The following PCDHA6 variants were observed in gnomAD, a reference collection of about 807,000 sequenced individuals.
PCDHA6 encodes protocadherin alpha-6.
In PCDHA6, 55 loss-of-function variants were observed where a neutral mutation model predicts 60.3. That is an observed-to-expected ratio of 0.91 (90% CI 0.73 to 1.14). The LOEUF is 1.14. Ranked by LOEUF, PCDHA6 falls within the 50% of genes most tolerant of loss-of-function variation. PCDHA6 has a pLI of 0.00. For synonymous variants in PCDHA6, 652 were observed against 557.9 expected (o/e 1.17, Z -2.38); for missense variants, 1,327 against 1,256.5 (o/e 1.06, Z -0.85).
chr5:140,929,257 C>G, intron 1 of PCDHA6: 2 of 1,612,972 alleles, frequency 1.2e-6, no homozygotes, highest in Admixed American at 3.3e-5. Flanking sequence ...TGGGGTAGGA[C>G]TGAATTTGCC....
At chr5:140,987,211 C>A (rs1190567678) in intron 3 of PCDHA6, among the ~76,000 whole-genome samples, 1 of 145,070 alleles carries the variant, frequency 6.9e-6, no homozygotes, top group South Asian at 2.1e-4. Flanking sequence ...GAGACTCCAT[C>A]TCAAAAAAAA....
At chr5:140,871,774 T>C (rs1164981873) in intron 1 of PCDHA6, among the ~76,000 whole-genome samples, 1 of 152,254 alleles carries the variant, frequency 6.6e-6, no homozygotes, top group African/African-American at 2.4e-5. Context: ...GACTCTTCTG[T>C]AGTCACTTGA....
In PCDHA6 at chr5:140,858,035, ACTGTG is replaced by A. The variant is rs564025916; in HGVS notation, c.2394+27553_2394+27557del. On this transcript the variant is annotated intron_variant, in intron 1 of 3. Transcript: ENST00000529310. Reference sequence around the variant, plus strand: ...CGAGCCGTCGCTGACGGCCACGGCCACTGTGCTTGTGTCGCTTGTGGAGGGCAGCC... The same window carrying A: ...CGAGCCGTCGCTGACGGCCACGGCCACTTGTGTCGCTTGTGGAGGGCAGCC... The A allele has an allele frequency of 2.7e-4, 428 of 1,597,220 alleles. 17 individuals are homozygous for A. The African/African-American group carries it at 5.1e-3, about 19-fold the overall frequency.
chr5:140,878,252 C>T (rs1250494755), intron 1 of PCDHA6, among the ~76,000 whole-genome samples: 26 of 152,184 alleles, frequency 1.7e-4, no homozygotes, highest in African/African-American at 3.1e-4. Context: ...CTCTTCCTCA[C>T]GTGCTTAGGC....
At chr5:140,965,639 C>G (rs781995485) in intron 1 of PCDHA6, among the ~76,000 whole-genome samples, 1 of 152,000 alleles carries the variant, frequency 6.6e-6, no homozygotes, top group Non-Finnish European at 1.5e-5. Flanking sequence ...TTTTAAATTA[C>G]TCTTGAAAGA....
chr5:140,842,820 G>A (rs1554139418), intron 1 of PCDHA6: 2 of 1,593,888 alleles, frequency 1.3e-6, no homozygotes, highest in African/African-American at 2.7e-5. Context: ...CGGCGGGTGG[G>A]CGAGCGCTCG....
intron 1 of PCDHA6, among the ~76,000 whole-genome samples, chr5:140,886,340 G>A (rs2060950327): frequency 6.6e-6 from 1 of 151,864 alleles, no homozygotes; most frequent in East Asian, 1.9e-4. Flanking sequence ...TGTGCAGAAC[G>A]TGCAGGTTTG....
chr5:140,954,610 A>T (rs1464657596), intron 1 of PCDHA6, among the ~76,000 whole-genome samples: 1 of 151,962 alleles, frequency 6.6e-6, no homozygotes, highest in East Asian at 1.9e-4. Flanking sequence ...CCACTTTTTA[A>T]TGGGCTTGTT....
At chr5:140,882,989 G>C (rs567590369) in intron 1 of PCDHA6, 2 of 1,614,130 alleles carry the variant, frequency 1.2e-6, no homozygotes, top group Non-Finnish European at 8.5e-7. Context: ...CAACGCCCCG[G>C]AATTTTACCA....
At chr5:140,916,464 G>T (rs2077577403) in intron 1 of PCDHA6, among the ~76,000 whole-genome samples, 1 of 152,206 alleles carries the variant, frequency 6.6e-6, no homozygotes, top group Non-Finnish European at 1.5e-5. Context: ...ATCACTGCTG[G>T]TTATTTGGTG....
chr5:140,935,388 T>C (rs2090344079), intron 1 of PCDHA6, among the ~76,000 whole-genome samples: 1 of 152,240 alleles, frequency 6.6e-6, no homozygotes, highest in African/African-American at 2.4e-5. Context: ...TCATTTGTTA[T>C]CCCACGGGAC....
Position 140,939,297 on chromosome 5 carries a change from T to C in PCDHA6, c.2395-39652T>C, listed in dbSNP as rs116782192. Among the ~76,000 whole-genome samples the C allele has an allele frequency of 5.4e-3, 827 of 152,242 alleles. 3 individuals are homozygous for C. The highest frequency in any genetic ancestry group is 0.019 in the African/African-American group (796 of 41,542). ...TGTGCCCTCGTGATCTAATCATCTC[T>C]ACAAAAGCCCTACCTCCTAATATCA... On this transcript the variant is annotated intron_variant, in intron 1 of 3. Coordinates refer to ENST00000529310, the MANE Select transcript of PCDHA6 (RefSeq NM_018909.4).
chr5:140,948,158 A>C lies in PCDHA6; in HGVS notation c.2395-30791A>C, dbSNP rs191151506. On this transcript the variant is annotated intron_variant, in intron 1 of 3. Transcript: ENST00000529310. The stretch of plus-strand genomic sequence containing the variant: ...TAATTGATTTTTGAATGTTGGAAAA[A>C]ACCTTCCATTCCTAGGGTAAATCCC... Among the ~76,000 whole-genome samples the C allele has an allele frequency of 2.8e-3, 418 of 151,676 alleles. 1 individual carries two copies. The highest frequency in any genetic ancestry group is 0.014 in the Middle Eastern group (4 of 294).
chr5:140,843,613 A>G, intron 1 of PCDHA6: 1 of 1,596,056 alleles, frequency 6.3e-7, no homozygotes, highest in Non-Finnish European at 8.6e-7. Context: ...GTGAGGGGCC[A>G]CCGAAGACGG....
chr5:140,947,920 A>G (rs1336638527), intron 1 of PCDHA6, among the ~76,000 whole-genome samples: 1 of 151,504 alleles, frequency 6.6e-6, no homozygotes, highest in African/African-American at 2.4e-5. Context: ...TCTTGCCTTA[A>G]CCCTGATCTT....
chr5:140,927,862 G>T, intron 1 of PCDHA6: 1 of 1,614,200 alleles, frequency 6.2e-7, no homozygotes. Context: ...AGCTAGCACC[G>T]CTAAACTGCT....
At position 140,927,719 on chromosome 5, in the gene PCDHA6, C is replaced by A. The variant is rs144571902; in HGVS notation, c.2395-51230C>A. Reference sequence around the variant, plus strand: ...GTCCAGTACTCCCTAAGCAACAGCACGCAAGCAGAGCTGCGACACCGCTTT... The same window carrying A: ...GTCCAGTACTCCCTAAGCAACAGCAAGCAAGCAGAGCTGCGACACCGCTTT... On this transcript the variant is annotated intron_variant, in intron 1 of 3. Transcript: ENST00000529310. The A allele has an allele frequency of 2.2e-4, 352 of 1,614,178 alleles. No individual in the cohort carries two copies. In the Middle Eastern group the frequency reaches 2.3e-3, roughly 11 times the overall value.
chr5:141,008,359 G>A (rs1369587129), intron 3 of PCDHA6, among the ~76,000 whole-genome samples: 1 of 152,150 alleles, frequency 6.6e-6, no homozygotes, highest in Non-Finnish European at 1.5e-5. Flanking sequence ...GTCAACCAAA[G>A]GAGCAGTGTT....
At chr5:140,943,861 A>AG (rs2093579644) in intron 1 of PCDHA6, among the ~76,000 whole-genome samples, 1 of 152,230 alleles carries the variant, frequency 6.6e-6, no homozygotes, top group South Asian at 2.1e-4. Flanking sequence ...AGTCAAGAAG[A>AG]GGTCTCTGAA....
Sources: allele counts gnomAD v4.1 joint callset (sites outside exome capture counted in the v4.1 genomes callset), GRCh38; gene constraint gnomAD v4.1.1; transcripts MANE v1.5; gene names NCBI Gene and HGNC (gene_info 2026-07-23, HGNC 2026-07-21).